Variants in SIPA1L1 observed in about 807,000 individuals in gnomAD.
The protein encoded by SIPA1L1 is signal induced proliferation associated 1 like 1.
A neutral mutation model predicts 162.7 loss-of-function variants in SIPA1L1; 26 were observed. The observed-to-expected ratio is 0.16, with a 90% CI of 0.12 to 0.22. The LOEUF (loss-of-function observed/expected upper bound fraction) is 0.22, where lower values mean the gene tolerates loss of function less well. Ranked by LOEUF, SIPA1L1 falls within the 10% of genes least tolerant of loss-of-function variation. The pLI, the probability that SIPA1L1 is intolerant of heterozygous loss-of-function variation, is 1.00. For missense variants in SIPA1L1, 1,874 were observed against 2,241.0 expected, an observed-to-expected ratio of 0.84 and a Z score of 3.31; for synonymous variants, 829 against 837.4, an observed-to-expected ratio of 0.99 and a Z score of 0.17.
chr14:71,358,475 T>G (rs1202758724), intron 2 of SIPA1L1, among the ~76,000 whole-genome samples: 1 of 152,202 alleles, frequency 6.6e-6, no homozygotes, highest in Non-Finnish European at 1.5e-5. Context: ...GAAACTTCAG[T>G]CTGGCTCACT....
intron 12 of SIPA1L1, among the ~76,000 whole-genome samples, chr14:71,679,707 A>C (rs943578325): frequency 6.6e-6 from 1 of 152,258 alleles, no homozygotes; most frequent in African/African-American, 2.4e-5. Context: ...GCAGAGACAC[A>C]CATAGGCTCA....
At chr14:71,675,123 C>T (rs1566624565) in intron 12 of SIPA1L1, among the ~76,000 whole-genome samples, 2 of 152,128 alleles carry the variant, frequency 1.3e-5, no homozygotes, top group South Asian at 2.1e-4. Flanking sequence ...TCCAAGCTAC[C>T]GATGTGATGT....
At chr14:71,711,904 T>G (rs967115242) in intron 17 of SIPA1L1, among the ~76,000 whole-genome samples, 8 of 152,224 alleles carry the variant, frequency 5.3e-5, no homozygotes, top group Non-Finnish European at 1.2e-4. Context: ...CCCACTCATT[T>G]GAGTCACATT....
intron 8 of SIPA1L1, among the ~76,000 whole-genome samples, chr14:71,650,736 T>C (rs1448948965): frequency 6.6e-6 from 1 of 152,086 alleles, no homozygotes; most frequent in Non-Finnish European, 1.5e-5. Context: ...GGTGTGTGCA[T>C]GGAGTGGGGC....
intron 6 of SIPA1L1, among the ~76,000 whole-genome samples, chr14:71,623,662 A>G (rs765672525): frequency 6.6e-6 from 1 of 152,120 alleles, no homozygotes; most frequent in Non-Finnish European, 1.5e-5. Flanking sequence ...AATTCTAAGT[A>G]TTTATTCTTC....
At chr14:71,482,869 C>T (rs1195976320) in intron 2 of SIPA1L1, among the ~76,000 whole-genome samples, 1 of 152,164 alleles carries the variant, frequency 6.6e-6, no homozygotes, top group Admixed American at 6.5e-5. Context: ...GTGTTAACAT[C>T]CTGTCCAGAT....
chr14:71,386,377 C>T (rs1442150815), intron 2 of SIPA1L1, among the ~76,000 whole-genome samples: 1 of 152,170 alleles, frequency 6.6e-6, no homozygotes, highest in Non-Finnish European at 1.5e-5. Context: ...GTGCTGGCAG[C>T]TGATTAGATG....
chr14:71,400,800 A>C (rs1023749671), intron 2 of SIPA1L1: 4 of 152,124 alleles, frequency 2.6e-5, no homozygotes, highest in Admixed American at 6.6e-5. Flanking sequence ...TCAGGTCTTA[A>C]AACATTTTGG....
intron 7 of SIPA1L1, among the ~76,000 whole-genome samples, chr14:71,626,008 C>T (rs2039944427): frequency 6.6e-6 from 1 of 152,098 alleles, no homozygotes; most frequent in Admixed American, 6.6e-5. Flanking sequence ...TAGTCCTATC[C>T]ACATGGGAAA....
chr14:71,443,674 C>G (rs1257004708), intron 2 of SIPA1L1, among the ~76,000 whole-genome samples: 1 of 152,132 alleles, frequency 6.6e-6, no homozygotes, highest in African/African-American at 2.4e-5. Flanking sequence ...TTATGCTAAG[C>G]GGGTTAAGCA....
At chr14:71,490,227 T>C (rs1567096647) in intron 2 of SIPA1L1, among the ~76,000 whole-genome samples, 1 of 152,262 alleles carries the variant, frequency 6.6e-6, no homozygotes, top group Admixed American at 6.5e-5. Flanking sequence ...GACAATATTT[T>C]TTTTTCTTCA....
At chr14:71,535,961 A>G (rs1390279791) in intron 4 of SIPA1L1, among the ~76,000 whole-genome samples, 1 of 152,144 alleles carries the variant, frequency 6.6e-6, no homozygotes, top group African/African-American at 2.4e-5. Flanking sequence ...GTCCCCTGCT[A>G]CATCTTATCT....
rs973763213 is a variant in SIPA1L1 at position 71,334,729 on chromosome 14, C to T, written c.-465+13548C>T. 4.6e-5 allele frequency among the ~76,000 whole-genome samples: 7 copies of T among 152,100 alleles called. No individual in the cohort carries two copies. The East Asian group carries it at 5.8e-4, about 13-fold the overall frequency. ...AATAGGTCAGATGATTTTGGGAGAC[C>T]GCTCTTCATGTTTCTTGATTCAGAA... On this transcript the variant is annotated intron_variant, in intron 2 of 23. Transcript: ENST00000381232.
At chr14:71,370,558 A>C (rs1477719417) in intron 2 of SIPA1L1, among the ~76,000 whole-genome samples, 2 of 152,198 alleles carry the variant, frequency 1.3e-5, no homozygotes, top group Non-Finnish European at 2.9e-5. Flanking sequence ...CTTCAGTAGT[A>C]ACACCAACAC....
chr14:71,328,622 A>G (rs1232894606), intron 2 of SIPA1L1, among the ~76,000 whole-genome samples: 1 of 152,212 alleles, frequency 6.6e-6, no homozygotes, highest in Non-Finnish European at 1.5e-5. Context: ...GAGCCTCTGG[A>G]TCTTTTGTAG....
intron 17 of SIPA1L1, among the ~76,000 whole-genome samples, chr14:71,712,600 G>A (rs2082956571): frequency 6.6e-6 from 1 of 152,080 alleles, no homozygotes. Flanking sequence ...TTAAATTTAA[G>A]CAGCATTCAT....
intron 4 of SIPA1L1, among the ~76,000 whole-genome samples, chr14:71,534,772 A>G (rs1332453362): frequency 1.3e-5 from 2 of 152,200 alleles, no homozygotes; most frequent in Non-Finnish European, 2.9e-5. Context: ...AGTGGCCTCA[A>G]TTTAAAGATG....
chr14:71,338,192 G>C (rs186855446), intron 2 of SIPA1L1, among the ~76,000 whole-genome samples: 1 of 152,206 alleles, frequency 6.6e-6, no homozygotes, highest in Admixed American at 6.5e-5. Context: ...TTGTTGTATT[G>C]TGTTGCGCAC....
chr14:71,380,106 A>C (rs1566951884), intron 2 of SIPA1L1, among the ~76,000 whole-genome samples: 1 of 152,222 alleles, frequency 6.6e-6, no homozygotes, highest in African/African-American at 2.4e-5. Flanking sequence ...CCAGAAATGT[A>C]AACTTCACAG....
Sources: allele counts gnomAD v4.1 joint callset (sites outside exome capture counted in the v4.1 genomes callset), GRCh38; gene constraint gnomAD v4.1.1; transcripts MANE v1.5; gene names NCBI Gene and HGNC (gene_info 2026-07-23, HGNC 2026-07-21).